Variants in NTN4 observed in about 807,000 individuals in gnomAD.
The protein encoded by NTN4 is netrin-4.
Under a neutral mutation model 73.6 loss-of-function variants are expected in NTN4, and 32 were observed. The observed-to-expected ratio is 0.44, with a 90% confidence interval of 0.33 to 0.58. The LOEUF is 0.58. NTN4 is among the 20% of genes least tolerant of loss of function. NTN4 has a pLI of 0.04. For missense variants in NTN4, 654 were observed against 798.3 expected, an observed-to-expected ratio of 0.82 and a Z score of 2.18; for synonymous variants, 258 against 287.5, an observed-to-expected ratio of 0.90 and a Z score of 1.04.
intron 3 of NTN4, among the ~76,000 whole-genome samples, chr12:95,730,455 C>T (rs1423017880): frequency 6.6e-6 from 1 of 152,128 alleles, no homozygotes; most frequent in Non-Finnish European, 1.5e-5. Flanking sequence ...ACAGGAAATC[C>T]TTCCATGGGT....
In NTN4 at chr12:95,658,135, C is replaced by G. The variant is rs1369934559; in HGVS notation, c.*951G>C. The G allele has an allele frequency of 1.3e-5, 2 of 152,162 alleles. No individual in the cohort carries two copies. Among genetic ancestry groups the G allele is most frequent in the Non-Finnish European group, 2.9e-5 (2 of 68,024 alleles). 9.4% of individuals were successfully genotyped at this position (152,162 alleles called of 1,614,324 possible). A position where few individuals can be genotyped will look rare whatever the true frequency, so the allele number is the denominator to read the frequency against. On this transcript the variant is annotated 3_prime_UTR_variant, in exon 10 of 10. Coordinates refer to ENST00000343702, the MANE Select transcript of NTN4 (RefSeq NM_021229.4). The stretch of plus-strand genomic sequence containing the variant: ...CTGTTTCAATGTTCAGGTTTAAATA[C>G]TAAGCACAAAAATATAACAAATTCT...
At chr12:95,708,027 T>A (rs533877092) in intron 5 of NTN4, among the ~76,000 whole-genome samples, 1 of 152,300 alleles carries the variant, frequency 6.6e-6, no homozygotes, top group Non-Finnish European at 1.5e-5. Context: ...CAGGACTATG[T>A]TCTAAGACAC....
At chr12:95,779,078 T>A (rs1469420196) in intron 2 of NTN4, among the ~76,000 whole-genome samples, 1 of 152,238 alleles carries the variant, frequency 6.6e-6, no homozygotes, top group Non-Finnish European at 1.5e-5. Flanking sequence ...TCTCAGTAGA[T>A]GCAGAAAAGG....
chr12:95,716,766 A>T (rs1592682131), intron 3 of NTN4, among the ~76,000 whole-genome samples: 1 of 152,074 alleles, frequency 6.6e-6, no homozygotes, highest in East Asian at 1.9e-4. Context: ...GTTAATTCTT[A>T]TGTAGTTTTT....
At chr12:95,741,738 C>T (rs1002411546) in intron 2 of NTN4, among the ~76,000 whole-genome samples, 1 of 150,596 alleles carries the variant, frequency 6.6e-6, no homozygotes, top group Admixed American at 6.6e-5. Context: ...ACAATTATAA[C>T]AATACACTGT....
rs138189043 is a variant in NTN4, at chr12:95,720,804, G to T, written c.865-7466C>A. On this transcript the variant is annotated intron_variant, in intron 3 of 9. Transcript: ENST00000343702. ...GATCTATTGTAAGCTCAAGGAATGT[G>T]GGTCAGTTATGGACCTGATGATAAA... Among the ~76,000 whole-genome samples, 1,140 of 152,284 alleles carry T rather than the reference G, an allele frequency of 7.5e-3. 16 individuals carry two copies. The highest frequency in any genetic ancestry group is 8.7e-3 in the Non-Finnish European group (589 of 68,016).
chr12:95,667,315 C>T lies in NTN4; in HGVS notation c.1580-1335G>A, dbSNP rs138150173. Reference sequence around the variant, plus strand: ...AGCAATTCTTCCTGCCTCAGCCTCCCGAGTAGCTGGGATTACAGGCCACCA... The same window carrying T: ...AGCAATTCTTCCTGCCTCAGCCTCCTGAGTAGCTGGGATTACAGGCCACCA... On this transcript the variant is annotated intron_variant, in intron 8 of 9. Transcript: ENST00000343702. Among the ~76,000 whole-genome samples, 11 of 151,686 alleles carry T rather than the reference C, an allele frequency of 7.3e-5. No homozygotes were observed. In the South Asian group the frequency reaches 8.3e-4, roughly 12 times the overall value.
At chr12:95,775,333 T>C (rs1274762823) in intron 2 of NTN4, among the ~76,000 whole-genome samples, 1 of 152,084 alleles carries the variant, frequency 6.6e-6, no homozygotes, top group Non-Finnish European at 1.5e-5. Context: ...GGACAGTGGG[T>C]GCAGGACAGT....
chr12:95,767,930 G>C (rs571372047), intron 2 of NTN4, among the ~76,000 whole-genome samples: 1 of 152,290 alleles, frequency 6.6e-6, no homozygotes, highest in Admixed American at 6.5e-5. Context: ...GCCTGCCCGA[G>C]GATCTGTCAT....
At chr12:95,680,301 C>T (rs1053766080) in intron 7 of NTN4, among the ~76,000 whole-genome samples, 7 of 152,280 alleles carry the variant, frequency 4.6e-5, no homozygotes, top group Middle Eastern at 3.4e-3. Flanking sequence ...ACTACAAATT[C>T]GTAAGAAAAT....
At chr12:95,685,559 C>T (rs949709835) in intron 5 of NTN4, among the ~76,000 whole-genome samples, 1 of 152,256 alleles carries the variant, frequency 6.6e-6, no homozygotes, top group East Asian at 1.9e-4. Context: ...GTGTCACACA[C>T]TGAAGAAGCC....
chr12:95,686,564 G>A (rs2078362540), intron 5 of NTN4, among the ~76,000 whole-genome samples: 1 of 151,974 alleles, frequency 6.6e-6, no homozygotes, highest in Non-Finnish European at 1.5e-5. Flanking sequence ...ATCGAGGCCA[G>A]CCTGGCTAAC....
chr12:95,672,921 G>T (rs753335243), intron 7 of NTN4: 1 of 1,182,454 alleles, frequency 8.5e-7, no homozygotes, highest in Non-Finnish European at 1.3e-6. Flanking sequence ...AGGCTATCAT[G>T]GAGCTGAACC....
intron 7 of NTN4, among the ~76,000 whole-genome samples, chr12:95,679,989 C>A (rs1244421329): frequency 6.6e-6 from 1 of 152,118 alleles, no homozygotes; most frequent in African/African-American, 2.4e-5. Flanking sequence ...AGCCTTCTTA[C>A]CTCCTTCAGA....
chr12:95,675,793 T>C (rs1007975734), intron 7 of NTN4, among the ~76,000 whole-genome samples: 9 of 152,096 alleles, frequency 5.9e-5, no homozygotes, highest in South Asian at 2.1e-4. Flanking sequence ...AAGGAGTTAA[T>C]AGGACAAAAA....
intron 2 of NTN4, among the ~76,000 whole-genome samples, chr12:95,779,658 A>G (rs7485765): frequency 0.81 from 121,963 of 151,480 alleles, 49,534 homozygotes; most frequent in South Asian, 0.89. Context: ...AATAAAAGAG[A>G]ATACAAACAA....
At chr12:95,767,725 G>GC (rs751334091) in intron 2 of NTN4, among the ~76,000 whole-genome samples, 13 of 151,996 alleles carry the variant, frequency 8.6e-5, no homozygotes, top group South Asian at 2.1e-4. Flanking sequence ...ACTAAGCAAC[G>GC]CCCCCCCTCC....
intron 9 of NTN4, 121 bp downstream of exon 9, chr12:95,665,689 G>A: frequency 1.5e-6 from 1 of 679,450 alleles, no homozygotes; most frequent in Admixed American, 3.1e-5. Context: ...GCAGGAGTCA[G>A]ATGGTGAAAG....
chr12:95,690,939 T>C (rs2078397196), intron 5 of NTN4, among the ~76,000 whole-genome samples: 1 of 152,210 alleles, frequency 6.6e-6, no homozygotes, highest in Non-Finnish European at 1.5e-5. Flanking sequence ...AAAGCTACAC[T>C]CATTTCAGGA....
Sources: allele counts gnomAD v4.1 joint callset (sites outside exome capture counted in the v4.1 genomes callset), GRCh38; gene constraint gnomAD v4.1.1; transcripts MANE v1.5; gene names NCBI Gene and HGNC (gene_info 2026-07-23, HGNC 2026-07-21).